SLC13A3: variants seen among roughly 807,000 people sequenced by gnomAD.
SLC13A3 encodes the protein solute carrier family 13 member 3, also known as Na(+)/dicarboxylate cotransporter 3.
A neutral mutation model predicts 59.0 loss-of-function variants in SLC13A3; 40 were observed. The observed-to-expected ratio is 0.68, with a 90% confidence interval of 0.53 to 0.88. SLC13A3 has a LOEUF of 0.88. Among genes scored for constraint, SLC13A3 ranks in the 40% least tolerant of loss-of-function variants. The pLI, the probability that SLC13A3 is intolerant of heterozygous loss-of-function variation, is 0.00. For missense variants in SLC13A3, 699 were observed against 783.2 expected (o/e 0.89, Z 1.28); for synonymous variants, 317 against 330.3 (o/e 0.96, Z 0.44).
chr20:46,596,263 T>G lies in SLC13A3; in HGVS notation c.688A>C (p.Ile230Leu), dbSNP rs2062311549. 1 of 1,614,062 alleles carries G rather than the reference T, an allele frequency of 6.2e-7. No individual in the cohort carries two copies. The highest frequency in any genetic ancestry group is 8.5e-7 in the Non-Finnish European group (1 of 1,180,038). Residue 230 changes from isoleucine to leucine, a missense_variant, in exon 5 of 13, where the codon ATC becomes CTC. Coordinates refer to ENST00000279027, the MANE Select transcript of SLC13A3 (RefSeq NM_022829.6). ...ATGGAGATGAGGAAGCCCTTCCAGATGTTCCGACGATATTCATCCTCCTTC... is the reference window on the plus strand; with the variant it reads ...ATGGAGATGAGGAAGCCCTTCCAGAGGTTCCGACGATATTCATCCTCCTTC... Reference protein sequence around the residue: ...SRKEDEYRRNIWKGFLISIPY... With the variant: ...SRKEDEYRRNLWKGFLISIPY...
chr20:46,681,969 C>T (rs1161410527), intron 1 of SLC13A3: 1 of 152,222 alleles, frequency 6.6e-6, no homozygotes, highest in Non-Finnish European at 1.5e-5. Flanking sequence ...AAGGCCCCAT[C>T]TTTCAATACT....
chr20:46,583,642 C>G lies in SLC13A3; in HGVS notation c.1149G>C (p.Val383=). The change falls in exon 9 of 13, where the codon GTG becomes GTC. Residue 383 remains valine, a synonymous_variant. Transcript: ENST00000279027. ...PGFLSDAVTG[V]AIVTILFFFP... is the part of the protein sequence containing the mutation. Reference sequence around the variant, plus strand: ...AGAAGAACAAGATGGTGACAATAGCCACGCCGGTGACAGCATCAGAAAGAA... The same window carrying G: ...AGAAGAACAAGATGGTGACAATAGCGACGCCGGTGACAGCATCAGAAAGAA... The G allele has an allele frequency of 6.2e-7, 1 of 1,614,008 alleles. No homozygotes were observed. The highest frequency in any genetic ancestry group is 2.2e-5 in the East Asian group (1 of 44,862).
intron 7 of SLC13A3, among the ~76,000 whole-genome samples, chr20:46,588,929 C>T (rs2122666434): frequency 6.6e-6 from 1 of 152,260 alleles, no homozygotes; most frequent in Admixed American, 6.5e-5. Flanking sequence ...TAGCAGATCC[C>T]ACTGTAAGTA....
intron 1 of SLC13A3, among the ~76,000 whole-genome samples, chr20:46,661,998 A>G (rs939385498): frequency 1.3e-5 from 2 of 152,178 alleles, no homozygotes; most frequent in African/African-American, 4.8e-5. Flanking sequence ...AGACCTATTC[A>G]GTGAGTAGAG....
At chr20:46,655,922 C>A (rs185360200), upstream of SLC13A3, among the ~76,000 whole-genome samples, 1 of 135,022 alleles carries the variant, frequency 7.4e-6, no homozygotes, top group East Asian at 2.1e-4. Context: ...ATTATATATA[C>A]GTATATAATA....
At chr20:46,575,807 C>T (rs1051712779) in intron 9 of SLC13A3, 122 bp from the exon 10 acceptor site, 1 of 519,626 alleles carries the variant, frequency 1.9e-6, no homozygotes, top group Admixed American at 3.7e-5. Flanking sequence ...AAGTGTGGAT[C>T]CAGCATTTGA....
At chr20:46,599,617 G>T (rs1200282788) in intron 4 of SLC13A3, among the ~76,000 whole-genome samples, 1 of 152,168 alleles carries the variant, frequency 6.6e-6, no homozygotes, top group Non-Finnish European at 1.5e-5. Flanking sequence ...TTTTTTGTCT[G>T]TATGGACTGT....
At chr20:46,623,966 CG>C (rs1315584111) in intron 1 of SLC13A3, among the ~76,000 whole-genome samples, 1 of 152,154 alleles carries the variant, frequency 6.6e-6, no homozygotes, top group Admixed American at 6.5e-5. Context: ...CTGCACAATC[CG>C]TGGGTGTTCT....
chr20:46,620,089 C>A (rs2079425194), intron 1 of SLC13A3, among the ~76,000 whole-genome samples: 1 of 152,190 alleles, frequency 6.6e-6, no homozygotes, highest in African/African-American at 2.4e-5. Flanking sequence ...TGCTTTCATC[C>A]TTGCTATTGC....
intron 1 of SLC13A3, 43 bp downstream of exon 1, chr20:46,651,268 C>T (rs1226451579): frequency 1.4e-6 from 2 of 1,451,992 alleles, no homozygotes; most frequent in Admixed American, 2.6e-5. Flanking sequence ...AAGAGGATCC[C>T]GCCTGTGGTT....
intron 1 of SLC13A3, among the ~76,000 whole-genome samples, chr20:46,624,032 T>A (rs2062642618): frequency 6.6e-6 from 1 of 152,180 alleles, no homozygotes; most frequent in African/African-American, 2.4e-5. Context: ...TCTCTCTCGT[T>A]CCTAGGCCAA....
intron 1 of SLC13A3, among the ~76,000 whole-genome samples, chr20:46,683,123 G>T (rs980922219): frequency 6.6e-6 from 1 of 152,098 alleles, no homozygotes; most frequent in Non-Finnish European, 1.5e-5. Flanking sequence ...GACAGCTGCG[G>T]CTACCCCCAC....
At chr20:46,673,735 G>C (rs921812704), upstream of SLC13A3, 6 of 152,174 alleles carry the variant, frequency 3.9e-5, no homozygotes, top group African/African-American at 1.4e-4. Flanking sequence ...TAAACTCCAG[G>C]GGAACAAGGG....
At chr20:46,618,118 T>C (rs189146324) in intron 1 of SLC13A3, among the ~76,000 whole-genome samples, 7 of 152,350 alleles carry the variant, frequency 4.6e-5, no homozygotes, top group Admixed American at 3.9e-4. Flanking sequence ...AGGTCTATTA[T>C]GAGACACCTA....
chr20:46,667,938 G>C (rs1322911061), intron 1 of SLC13A3, among the ~76,000 whole-genome samples: 2 of 152,146 alleles, frequency 1.3e-5, no homozygotes, highest in African/African-American at 4.8e-5. Flanking sequence ...GATCTTTGAA[G>C]TTACTATTGT....
rs758082530 is a variant in SLC13A3, at chr20:46,596,144, C to A, written c.794+13G>T. On this transcript the variant is annotated intron_variant, in intron 5 of 12. Coordinates refer to ENST00000279027, the MANE Select transcript of SLC13A3 (RefSeq NM_022829.6). ...GCAGAACCCTCCCCGCCGGTGGGGACTCTCGCTTTCACCTCTTGAGCTGGC... is the reference window on the plus strand; with the variant it reads ...GCAGAACCCTCCCCGCCGGTGGGGAATCTCGCTTTCACCTCTTGAGCTGGC... 6.2e-7 allele frequency: 1 copy of A among 1,610,744 alleles called. No homozygotes were observed. The highest frequency in any genetic ancestry group is 1.1e-5 in the South Asian group (1 of 90,724).
At chr20:46,596,058 G>T in intron 5 of SLC13A3, 99 bp downstream of exon 5, 2 of 1,140,362 alleles carry the variant, frequency 1.8e-6, no homozygotes, top group African/African-American at 1.5e-5. Flanking sequence ...GCCTGGCCCA[G>T]AGAAGGCCCT....
At chr20:46,630,671 T>G (rs2122810143) in intron 1 of SLC13A3, among the ~76,000 whole-genome samples, 1 of 152,390 alleles carries the variant, frequency 6.6e-6, no homozygotes, top group South Asian at 2.1e-4. Context: ...TTTGTTCTAC[T>G]AACTTAAACC....
rs910063 is a variant in SLC13A3 at position 46,560,474 on chromosome 20, T to G, written c.1633-276A>C. On this transcript the variant is annotated intron_variant, in intron 12 of 12. Coordinates refer to ENST00000279027, the MANE Select transcript of SLC13A3 (RefSeq NM_022829.6). ...GCAGTTGTCACAGGGTTATGCTGTT[T>G]AACCCAGAAAGCAACCTTACAAAGG... is the stretch of plus-strand genomic sequence containing the variant. 0.59 allele frequency among the ~76,000 whole-genome samples: 88,889 copies of G among 151,946 alleles called. 26,481 individuals are homozygous for G. The highest frequency in any genetic ancestry group is 0.64 in the Non-Finnish European group (43,359 of 67,972).
Sources: gnomAD v4.1 joint callset for allele counts (sites outside exome capture counted in the v4.1 genomes callset) on GRCh38, gnomAD v4.1.1 for gene constraint, MANE v1.5 for transcripts, NCBI Gene and HGNC (gene_info 2026-07-23, HGNC 2026-07-21) for gene names.